The following SMG1 variants were observed in gnomAD, a reference collection of about 807,000 sequenced individuals.
SMG1 encodes the protein SMG1 nonsense mediated mRNA decay associated PI3K related kinase, also known as serine/threonine-protein kinase SMG1.
Under a neutral mutation model 419.9 loss-of-function variants are expected in SMG1, and 22 were observed. The ratio of observed to expected loss-of-function variants is 0.05; its 90% CI spans 0.04 to 0.07. The LOEUF (loss-of-function observed/expected upper bound fraction) is 0.07. Ranked by LOEUF, SMG1 falls within the 10% of genes least tolerant of loss-of-function variation. The pLI is 1.00. For synonymous variants in SMG1, 1,538 were observed against 1,553.5 expected (o/e 0.99, Z 0.23); for missense variants, 3,185 against 4,342.0 (o/e 0.73, Z 7.49).
intron 55 of SMG1, among the ~76,000 whole-genome samples, chr16:18,820,191 C>T (rs1266684173): frequency 6.6e-6 from 1 of 152,088 alleles, no homozygotes; most frequent in Non-Finnish European, 1.5e-5. Flanking sequence ...GTCTTGAACT[C>T]CTGACCTCAT....
At chr16:18,860,491 C>T (rs1224079173) in intron 26 of SMG1, among the ~76,000 whole-genome samples, 176 bp downstream of exon 26, 9 of 151,424 alleles carry the variant, frequency 5.9e-5, no homozygotes, top group Non-Finnish European at 1.3e-4. Flanking sequence ...ATTTTAAGTG[C>T]TTTTCATTTC....
At chr16:18,837,676 A>G (rs914795280) in intron 45 of SMG1, among the ~76,000 whole-genome samples, 1 of 152,232 alleles carries the variant, frequency 6.6e-6, no homozygotes, top group Non-Finnish European at 1.5e-5. Flanking sequence ...ACCCAGAACA[A>G]GACTGGCATC....
chr16:18,812,013 G>A lies in SMG1; in HGVS notation c.10736C>T (p.Pro3579Leu). 6.2e-7 allele frequency: 1 copy of A among 1,614,008 alleles called. No individual in the cohort carries two copies. Among genetic ancestry groups the A allele is most frequent in the Non-Finnish European group, 8.5e-7 (1 of 1,179,890 alleles). Reference sequence around the variant, plus strand: ...ACAAGCAACACTCTTGCCAGTTCCTGGAACGGTGCTTGGTGGAGTATCAGC... The same window carrying A: ...ACAAGCAACACTCTTGCCAGTTCCTAGAACGGTGCTTGGTGGAGTATCAGC... ...TSADTPPSTV[P>L]GTGKSVACSP... Residue 3579 changes from proline to leucine, a missense_variant, in exon 61 of 63, where the codon CCA (proline) becomes CTA (leucine). By Grantham distance (98) the Pro-to-Leu change is moderately conservative. This residue lies in a region of SMG1 where 737 missense variants were observed against 846.6 expected (regional missense o/e 0.87). Transcript: ENST00000446231.
Position 18,834,374 on chromosome 16 carries a change from G to T in SMG1, c.8395C>A (p.Arg2799=). Residue 2799 remains arginine (R), a synonymous_variant, in exon 50 of 63, where the codon CGG becomes AGG. Transcript: ENST00000446231. ...TCCTCCAAGAACCAGGCTCCATCCC[G>T]AGAAGTCAGATCAACCAGCTGTTCT... The part of the protein sequence containing the change: ...AGEQLVDLTS[R]DGAWFLEELC... 6.2e-7 allele frequency: 1 copy of T among 1,613,778 alleles called. No individual in the cohort carries two copies. The highest frequency in any genetic ancestry group is 8.5e-7 in the Non-Finnish European group (1 of 1,179,836).
intron 25 of SMG1, among the ~76,000 whole-genome samples, chr16:18,862,968 C>T (rs2035293000): frequency 1.3e-5 from 2 of 152,308 alleles, no homozygotes; most frequent in African/African-American, 4.8e-5. Flanking sequence ...AACTGCTTTC[C>T]TTATGGCACA....
At position 18,876,226 on chromosome 16, in the gene SMG1, A is replaced by T; in HGVS notation, c.1788T>A (p.Ala596=). ...CTACATTGAACACATGATTCTTAAAAGCCTCATGTTTTATTTCAGAACAGG... is the reference window on the plus strand; with the variant it reads ...CTACATTGAACACATGATTCTTAAATGCCTCATGTTTTATTTCAGAACAGG... The part of the protein sequence containing the change: ...PEACSEIKHE[A]FKNHVFNVDN... Residue 596 remains alanine (A), a synonymous_variant, in exon 13 of 63, where the codon GCT becomes GCA. Transcript: ENST00000446231. 1 of 1,611,790 alleles carries T rather than the reference A, an allele frequency of 6.2e-7. No individual in the cohort carries two copies. Among genetic ancestry groups the T allele is most frequent in the Non-Finnish European group, 8.5e-7 (1 of 1,179,700 alleles).
At chr16:18,815,059 A>T (rs951128113) in intron 60 of SMG1, 116 bp downstream of exon 60, 5 of 706,802 alleles carry the variant, frequency 7.1e-6, no homozygotes, top group Non-Finnish European at 1.2e-5. Context: ...GTTCAGTTTA[A>T]GATTATAGAA....
At chr16:18,813,963 G>A (rs529733367) in intron 60 of SMG1, among the ~76,000 whole-genome samples, 45 of 145,950 alleles carry the variant, frequency 3.1e-4, no homozygotes, top group Non-Finnish European at 4.2e-4. Flanking sequence ...CCCAGAAGGC[G>A]GAAGTTGCAG....
intron 13 of SMG1, 129 bp from the exon 14 acceptor site, chr16:18,872,753 T>G: frequency 1.3e-6 from 1 of 797,168 alleles, no homozygotes; most frequent in South Asian, 1.8e-5. Flanking sequence ...AGGGATCTAG[T>G]ACACTAAACC....
At position 18,854,916 on chromosome 16, in the gene SMG1, A is replaced by G; in HGVS notation, c.4235-12T>C. On this transcript the variant is annotated splice_polypyrimidine_tract_variant and intron_variant, in intron 29 of 62. Coordinates refer to ENST00000446231, the MANE Select transcript of SMG1 (RefSeq NM_015092.5). ...TGGGACTGTTTGTTCTGAAGAGAGG[A>G]AAACGTTTTATTAGTTCCTAATTTG... 6.2e-7 allele frequency: 1 copy of G among 1,607,634 alleles called. No homozygotes were observed.
Position 18,864,083 on chromosome 16 carries a change from A to T in SMG1, c.3412T>A (p.Cys1138Ser). 6.5e-7 allele frequency: 1 copy of T among 1,549,754 alleles called. No homozygotes were observed. The highest frequency in any genetic ancestry group is 1.2e-5 in the South Asian group (1 of 83,964). Residue 1138 changes from cysteine (C) to serine (S), a missense_variant, in exon 24 of 63, where the codon TGC becomes AGC. Physicochemically the swap from Cys to Ser is moderately radical, Grantham distance 112 (BLOSUM62 -1). This residue lies in a region of SMG1 where 121 missense variants were observed against 125.4 expected (regional missense o/e 0.96). Transcript: ENST00000446231. The stretch of plus-strand genomic sequence containing the variant: ...ACCGATTTGTCAAAGCTGGAGATGC[A>T]GCAATCAACACCTGTCATGGCACAC... ...HLCAMTGVDC[C>S]ISSFDKSVLT...
chr16:18,833,891 C>G (rs903855896), intron 50 of SMG1, among the ~76,000 whole-genome samples: 3 of 152,192 alleles, frequency 2.0e-5, no homozygotes, highest in Admixed American at 2.0e-4. Flanking sequence ...TGTATGTTAT[C>G]AAGGTGTCGT....
Position 18,870,902 on chromosome 16 carries a change from A to C in SMG1, c.2303-14T>G, listed in dbSNP as rs1355763718. On this transcript the variant is annotated splice_polypyrimidine_tract_variant and intron_variant, in intron 16 of 62. Transcript: ENST00000446231. ...CTTCAACGAGAGCTATTAAACATTA[A>C]AAGACAGTTACTTTCAGCTGGCCAA... 7.7e-7 allele frequency: 1 copy of C among 1,294,808 alleles called. No homozygotes were observed. The highest frequency in any genetic ancestry group is 2.2e-5 in the Admixed American group (1 of 45,162). The allele number at this position is 1,294,808 out of a possible 1,614,324, so 80.2% of individuals were successfully genotyped here.
intron 1 of SMG1, among the ~76,000 whole-genome samples, chr16:18,923,188 G>A (rs1279220644): frequency 1.3e-5 from 2 of 152,144 alleles, no homozygotes; most frequent in African/African-American, 4.8e-5. Flanking sequence ...TATGGAACAC[G>A]GGTTTGCTCT....
intron 1 of SMG1, chr16:18,900,035 T>C: frequency 6.6e-7 from 1 of 1,524,796 alleles, no homozygotes; most frequent in Non-Finnish European, 8.8e-7. Context: ...ATGTTTTGCA[T>C]CAAGTCAATC....
chr16:18,908,940 CTG>C (rs1012749258), intron 1 of SMG1, among the ~76,000 whole-genome samples: 69 of 151,304 alleles, frequency 4.6e-4, no homozygotes, highest in African/African-American at 1.7e-3. Context: ...TAGATAATAA[CTG>C]TAGTTATTCT....
chr16:18,815,949 C>T (rs1374029401), intron 58 of SMG1: 3 of 452,422 alleles, frequency 6.6e-6, no homozygotes, highest in Non-Finnish European at 3.9e-6. Flanking sequence ...GACAACATTT[C>T]ATTCATTTTG....
chr16:18,917,425 A>G (rs1291220972), intron 1 of SMG1, among the ~76,000 whole-genome samples: 1 of 152,000 alleles, frequency 6.6e-6, no homozygotes, highest in Non-Finnish European at 1.5e-5. Flanking sequence ...CTGGGATTAC[A>G]GGTATGAGCC....
intron 48 of SMG1, among the ~76,000 whole-genome samples, chr16:18,835,515 C>A (rs1337711948): frequency 6.6e-6 from 1 of 152,146 alleles, no homozygotes. Context: ...GTGACACACG[C>A]CCGTGGTCCC....
Sources: allele counts gnomAD v4.1 joint callset (sites outside exome capture counted in the v4.1 genomes callset), GRCh38; gene constraint gnomAD v4.1.1; regional missense constraint gnomAD v4.1.1; transcripts MANE v1.5; gene names NCBI Gene and HGNC (gene_info 2026-07-23, HGNC 2026-07-21).